ADGRL3: variants seen among roughly 807,000 people sequenced by gnomAD.
ADGRL3 encodes adhesion G protein-coupled receptor L3, also known as calcium-independent alpha-latrotoxin receptor 3.
Under a neutral mutation model 153.5 loss-of-function variants are expected in ADGRL3, and 62 were observed. The ratio of observed to expected loss-of-function variants is 0.40; its 90% CI spans 0.33 to 0.50. The LOEUF is 0.50. ADGRL3 is among the 20% of genes least tolerant of loss of function. ADGRL3 has a pLI of 0.47. For missense variants in ADGRL3, 1,641 were observed against 1,859.4 expected (o/e 0.88, Z 2.16); for synonymous variants, 710 against 672.5 (o/e 1.06, Z -0.86).
At chr4:61,358,336 G>A (rs146406006) in intron 1 of ADGRL3, among the ~76,000 whole-genome samples, 2,217 of 152,052 alleles carry the variant, frequency 0.015, 50 homozygotes, top group African/African-American at 0.048. Flanking sequence ...GGTGGCTCAC[G>A]CCTGTAAGTC....
rs947351109 is a variant in ADGRL3, at chr4:61,200,852, G to A, written c.-1153G>A. Among the ~76,000 whole-genome samples, 4 of 151,694 alleles carry A rather than the reference G, an allele frequency of 2.6e-5. No homozygotes were observed. The highest frequency in any genetic ancestry group is 5.9e-5 in the Non-Finnish European group (4 of 67,888). ...AGCTCCCACATGCCCGCAGCTGCCC[G>A]GCCCGGCCGGCGAGCTAATCATCCA... On this transcript the variant is annotated 5_prime_UTR_variant, in exon 1 of 27. Transcript: ENST00000683033.
intron 13 of ADGRL3, among the ~76,000 whole-genome samples, chr4:61,929,811 G>A (rs1163919949): frequency 6.6e-6 from 1 of 152,138 alleles, no homozygotes; most frequent in Non-Finnish European, 1.5e-5. Flanking sequence ...CCCCAGTTGT[G>A]CTAATAATGG....
chr4:61,321,464 T>A (rs1289055070), intron 1 of ADGRL3, among the ~76,000 whole-genome samples: 1 of 152,070 alleles, frequency 6.6e-6, no homozygotes, highest in Non-Finnish European at 1.5e-5. Context: ...ATCATTAACT[T>A]ATTTTTTATA....
At chr4:61,965,199 A>C (rs2099001711) in intron 17 of ADGRL3, among the ~76,000 whole-genome samples, 1 of 151,806 alleles carries the variant, frequency 6.6e-6, no homozygotes. Context: ...GGGTTTTGCC[A>C]TGTTGCCCAG....
chr4:62,024,671 C>G (rs866764593), intron 21 of ADGRL3, among the ~76,000 whole-genome samples: 9 of 152,000 alleles, frequency 5.9e-5, no homozygotes, highest in African/African-American at 1.9e-4. Flanking sequence ...TAGCTCACGC[C>G]TGTAATCCCA....
At chr4:61,928,735 C>G (rs2098805142) in intron 13 of ADGRL3, among the ~76,000 whole-genome samples, 1 of 152,148 alleles carries the variant, frequency 6.6e-6, no homozygotes, top group African/African-American at 2.4e-5. Flanking sequence ...CTCATTCACC[C>G]TGCCTCCCTC....
intron 4 of ADGRL3, among the ~76,000 whole-genome samples, chr4:61,563,689 T>C (rs1056443363): frequency 6.6e-6 from 1 of 152,176 alleles, no homozygotes; most frequent in African/African-American, 2.4e-5. Context: ...ACCTCACACT[T>C]TCATGCTATG....
At chr4:61,787,185 G>A (rs1436917118) in intron 8 of ADGRL3, among the ~76,000 whole-genome samples, 3 of 151,916 alleles carry the variant, frequency 2.0e-5, no homozygotes, top group African/African-American at 7.2e-5. Context: ...ACAATTGAAG[G>A]TATCATTTTT....
chr4:61,511,134 G>C (rs1239370239), intron 3 of ADGRL3, among the ~76,000 whole-genome samples: 1 of 152,146 alleles, frequency 6.6e-6, no homozygotes, highest in Non-Finnish European at 1.5e-5. Flanking sequence ...AAGGTGGGCT[G>C]ATCACTTGAG....
intron 17 of ADGRL3, among the ~76,000 whole-genome samples, chr4:61,949,431 C>T (rs1448844282): frequency 1.3e-5 from 2 of 152,140 alleles, no homozygotes; most frequent in African/African-American, 4.8e-5. Flanking sequence ...GGCATGGTGG[C>T]TCATGCCTGT....
At chr4:62,045,941 T>A (rs1271156482) in intron 25 of ADGRL3, among the ~76,000 whole-genome samples, 3 of 151,992 alleles carry the variant, frequency 2.0e-5, no homozygotes, top group African/African-American at 7.2e-5. Flanking sequence ...CAATTTAGTT[T>A]TAATGTTTAG....
chr4:61,614,321 C>A (rs372929057), intron 5 of ADGRL3, among the ~76,000 whole-genome samples: 17 of 152,136 alleles, frequency 1.1e-4, no homozygotes, highest in African/African-American at 4.1e-4. Flanking sequence ...TCTTTCCAAA[C>A]TTTGTAGCAT....
intron 1 of ADGRL3, among the ~76,000 whole-genome samples, chr4:61,310,534 T>G (rs1340835078): frequency 6.6e-6 from 1 of 152,132 alleles, no homozygotes; most frequent in Non-Finnish European, 1.5e-5. Context: ...TTATATCCTA[T>G]GCTTTGGTGC....
intron 2 of ADGRL3, among the ~76,000 whole-genome samples, chr4:61,445,201 A>G (rs2097569189): frequency 6.6e-6 from 1 of 152,202 alleles, no homozygotes; most frequent in African/African-American, 2.4e-5. Context: ...TCATTTACGA[A>G]TGATGGCACT....
At chr4:61,258,369 T>C (rs1457543777) in intron 1 of ADGRL3, among the ~76,000 whole-genome samples, 3 of 152,138 alleles carry the variant, frequency 2.0e-5, no homozygotes, top group African/African-American at 7.2e-5. Context: ...AAGCATGTGG[T>C]TTATGTTGTA....
chr4:61,597,294 A>G (rs571165718), intron 5 of ADGRL3, among the ~76,000 whole-genome samples: 2 of 152,272 alleles, frequency 1.3e-5, no homozygotes, highest in South Asian at 4.1e-4. Context: ...TAAAAAGACA[A>G]GAAGGAGAGA....
chr4:61,969,714 A>C (rs895605856), intron 17 of ADGRL3, among the ~76,000 whole-genome samples: 3 of 152,184 alleles, frequency 2.0e-5, no homozygotes, highest in Non-Finnish European at 1.5e-5. Flanking sequence ...TAAATACTCA[A>C]GTCACAGAAT....
At chr4:61,783,125 G>A (rs1266696849) in intron 8 of ADGRL3, among the ~76,000 whole-genome samples, 3 of 152,158 alleles carry the variant, frequency 2.0e-5, no homozygotes, top group Non-Finnish European at 2.9e-5. Flanking sequence ...ACTAATATCA[G>A]AGTATTTAAA....
At chr4:61,908,699 T>C (rs149370608) in intron 11 of ADGRL3, among the ~76,000 whole-genome samples, 77 of 152,260 alleles carry the variant, frequency 5.1e-4, no homozygotes, top group Non-Finnish European at 9.4e-4. Flanking sequence ...TTTTTATTTA[T>C]TTAGTGTAAA....
Sources: allele counts gnomAD v4.1 joint callset (sites outside exome capture counted in the v4.1 genomes callset), GRCh38; gene constraint gnomAD v4.1.1; transcripts MANE v1.5; gene names NCBI Gene and HGNC (gene_info 2026-07-23, HGNC 2026-07-21).